CFAP299: variants seen among roughly 807,000 people sequenced by gnomAD.
CFAP299 encodes the protein cilia and flagella associated protein 299.
Under a neutral mutation model 27.0 loss-of-function variants are expected in CFAP299, and 21 were observed. The observed-to-expected ratio is 0.78, with a 90% CI of 0.55 to 1.12. The LOEUF (loss-of-function observed/expected upper bound fraction) is 1.12, where lower values mean the gene tolerates loss of function less well. CFAP299 is among the 50% of genes most tolerant of loss of function. The probability of loss-of-function intolerance (pLI) is 0.00; values close to 1 mark genes in which losing one functional copy is unlikely to be tolerated. For missense variants in CFAP299, 310 were observed against 276.6 expected, an observed-to-expected ratio of 1.12 and a Z score of -0.86; for synonymous variants, 104 against 98.1, an observed-to-expected ratio of 1.06 and a Z score of -0.36.
chr4:80,345,936 G>A (rs945899429), intron 1 of CFAP299, among the ~76,000 whole-genome samples: 1 of 151,994 alleles, frequency 6.6e-6, no homozygotes, highest in Non-Finnish European at 1.5e-5. Context: ...TCCAGCATCT[G>A]TTTTTTCCTG....
intron 3 of CFAP299, among the ~76,000 whole-genome samples, chr4:80,595,694 C>T (rs1275722683): frequency 6.6e-6 from 1 of 152,180 alleles, no homozygotes; most frequent in Non-Finnish European, 1.5e-5. Context: ...TGAAGGTTTT[C>T]TGTGGACCTA....
chr4:80,629,149 G>A (rs1560665887), intron 3 of CFAP299, among the ~76,000 whole-genome samples: 1 of 152,176 alleles, frequency 6.6e-6, no homozygotes, highest in African/African-American at 2.4e-5. Flanking sequence ...AGGAAATCCT[G>A]TCATTTGCAA....
At chr4:80,480,361 G>T (rs536168837) in intron 2 of CFAP299, among the ~76,000 whole-genome samples, 1 of 151,810 alleles carries the variant, frequency 6.6e-6, no homozygotes, top group African/African-American at 2.4e-5. Flanking sequence ...CAGAGGGTAC[G>T]CAAAGAGGGG....
chr4:80,946,684 A>C (rs1379411632), intron 5 of CFAP299, among the ~76,000 whole-genome samples: 1 of 152,182 alleles, frequency 6.6e-6, no homozygotes, highest in Non-Finnish European at 1.5e-5. Context: ...GTTTCTCATT[A>C]GTGAAATGAA....
intron 3 of CFAP299, among the ~76,000 whole-genome samples, chr4:80,821,670 G>T (rs1194143562): frequency 2.0e-5 from 3 of 152,062 alleles, no homozygotes; most frequent in South Asian, 2.1e-4. Flanking sequence ...GACCCTAAAA[G>T]TTCCTGCTGT....
chr4:80,364,810 A>G (rs1475261228), intron 2 of CFAP299, among the ~76,000 whole-genome samples: 5 of 152,172 alleles, frequency 3.3e-5, no homozygotes, highest in African/African-American at 9.7e-5. Context: ...TGTCCTGTCT[A>G]TGTGTTCTCA....
chr4:80,875,737 G>A (rs781521714), intron 4 of CFAP299, among the ~76,000 whole-genome samples: 2 of 151,718 alleles, frequency 1.3e-5, no homozygotes, highest in Non-Finnish European at 2.9e-5. Context: ...TCCTCAGATG[G>A]GGCATATTTT....
At chr4:80,930,440 A>G (rs1736559718) in intron 4 of CFAP299, among the ~76,000 whole-genome samples, 1 of 152,182 alleles carries the variant, frequency 6.6e-6, no homozygotes, top group Non-Finnish European at 1.5e-5. Context: ...CAGATAAAGC[A>G]ACTTAAATCT....
chr4:80,632,516 A>C (rs1169310063), intron 3 of CFAP299, among the ~76,000 whole-genome samples: 1 of 152,202 alleles, frequency 6.6e-6, no homozygotes, highest in Non-Finnish European at 1.5e-5. Flanking sequence ...CAATATTAAC[A>C]AGTCTCTTGC....
chr4:80,957,844 G>T (rs1304944955), intron 5 of CFAP299, among the ~76,000 whole-genome samples: 1 of 152,094 alleles, frequency 6.6e-6, no homozygotes, highest in African/African-American at 2.4e-5. Context: ...ATTTCGGGAA[G>T]GTTATTCTTG....
chr4:80,634,251 G>T (rs1739376663), intron 3 of CFAP299, among the ~76,000 whole-genome samples: 1 of 152,012 alleles, frequency 6.6e-6, no homozygotes. Context: ...CAAAGTGCTG[G>T]GATTACTGTT....
chr4:80,669,145 C>CTTTTTTTTTTTTTTTT (rs1741316478), intron 3 of CFAP299, among the ~76,000 whole-genome samples: 2 of 16,420 alleles, frequency 1.2e-4, no homozygotes, highest in African/African-American at 3.4e-4. Context: ...TTCTTTCTTT[C>CTTTTTTTTTTTTTTTT]TTTCTTTTTT....
intron 3 of CFAP299, among the ~76,000 whole-genome samples, chr4:80,869,689 A>T (rs955005144): frequency 6.6e-6 from 1 of 151,734 alleles, no homozygotes; most frequent in Admixed American, 6.6e-5. Context: ...AATTTTTTGT[A>T]TTTTAGTAGA....
intron 4 of CFAP299, among the ~76,000 whole-genome samples, chr4:80,921,137 C>A (rs1036152915): frequency 2.0e-5 from 3 of 151,966 alleles, no homozygotes; most frequent in African/African-American, 7.2e-5. Context: ...GGTATACTCT[C>A]GACACATCAT....
chr4:80,416,883 C>T (rs2110066230), intron 2 of CFAP299, among the ~76,000 whole-genome samples: 1 of 152,226 alleles, frequency 6.6e-6, no homozygotes, highest in South Asian at 2.1e-4. Context: ...TATCCAGACT[C>T]CAAGAAGGGG....
At chr4:80,597,283 A>C (rs114084931) in intron 3 of CFAP299, among the ~76,000 whole-genome samples, 1 of 152,198 alleles carries the variant, frequency 6.6e-6, no homozygotes, top group Non-Finnish European at 1.5e-5. Flanking sequence ...ATAGCATTAT[A>C]TCATTGTAGT....
At chr4:80,335,718 C>A, upstream of CFAP299, 1 of 1,104,028 alleles carries the variant, frequency 9.1e-7, no homozygotes, top group Non-Finnish European at 1.4e-6. Context: ...AGCCTCCTGA[C>A]CCTGCCCTCC....
At chr4:80,551,031 G>C (rs1560619928) in intron 2 of CFAP299, among the ~76,000 whole-genome samples, 1 of 152,172 alleles carries the variant, frequency 6.6e-6, no homozygotes, top group East Asian at 1.9e-4. Context: ...TCAGTTAACT[G>C]TTTGAAACAT....
At chr4:80,939,124 A>G (rs2110226025) in intron 4 of CFAP299, among the ~76,000 whole-genome samples, 1 of 152,288 alleles carries the variant, frequency 6.6e-6, no homozygotes, top group Middle Eastern at 3.4e-3. Flanking sequence ...ACTTTTGGCA[A>G]TTTGATTAGA....
Sources: allele counts gnomAD v4.1 joint callset (sites outside exome capture counted in the v4.1 genomes callset), GRCh38; gene constraint gnomAD v4.1.1; transcripts MANE v1.5; gene names NCBI Gene and HGNC (gene_info 2026-07-23, HGNC 2026-07-21).